PLPP4: variants seen among roughly 807,000 people sequenced by gnomAD.
PLPP4 encodes phospholipid phosphatase 4.
A neutral mutation model predicts 32.2 loss-of-function variants in PLPP4; 20 were observed. The ratio of observed to expected loss-of-function variants is 0.62; its 90% CI spans 0.44 to 0.90. PLPP4 has a LOEUF of 0.90. PLPP4 is among the 40% of genes least tolerant of loss of function. The probability of loss-of-function intolerance (pLI) is 0.00; values close to 1 mark genes in which losing one functional copy is unlikely to be tolerated. For missense variants in PLPP4, 257 were observed against 353.1 expected (o/e 0.73, Z 2.18); for synonymous variants, 127 against 133.0 (o/e 0.95, Z 0.31).
chr10:120,494,855 T>A (rs982075518), intron 1 of PLPP4, among the ~76,000 whole-genome samples: 1 of 152,242 alleles, frequency 6.6e-6, no homozygotes, highest in African/African-American at 2.4e-5. Flanking sequence ...CTGATCTCAG[T>A]TGTCCACACT....
chr10:120,571,628 C>A (rs1848946882), intron 5 of PLPP4, among the ~76,000 whole-genome samples: 1 of 152,086 alleles, frequency 6.6e-6, no homozygotes, highest in Admixed American at 6.5e-5. Flanking sequence ...ATTTAGAGTC[C>A]TAGGATTTCA....
intron 1 of PLPP4, among the ~76,000 whole-genome samples, chr10:120,497,367 A>G (rs1845018061): frequency 6.6e-6 from 1 of 152,106 alleles, no homozygotes; most frequent in Non-Finnish European, 1.5e-5. Flanking sequence ...CCTGCATCTT[A>G]AATAATTACA....
intron 5 of PLPP4, among the ~76,000 whole-genome samples, chr10:120,569,918 T>C (rs143698007): frequency 5.9e-5 from 9 of 152,346 alleles, no homozygotes; most frequent in African/African-American, 2.2e-4. Context: ...AGCATTGCTC[T>C]AACTGCAATA....
chr10:120,543,280 G>T (rs1847442004), intron 5 of PLPP4, among the ~76,000 whole-genome samples: 1 of 152,212 alleles, frequency 6.6e-6, no homozygotes. Flanking sequence ...TCTAGCGGGG[G>T]ATGTTGCCTG....
chr10:120,458,580 A>C (rs1161906627), intron 1 of PLPP4, among the ~76,000 whole-genome samples: 2 of 152,114 alleles, frequency 1.3e-5, no homozygotes, highest in Non-Finnish European at 2.9e-5. Flanking sequence ...ATTCATCCAG[A>C]GTATTTATTC....
At chr10:120,473,313 T>C (rs377666218) in intron 1 of PLPP4, among the ~76,000 whole-genome samples, 2 of 152,228 alleles carry the variant, frequency 1.3e-5, no homozygotes, top group African/African-American at 4.8e-5. Flanking sequence ...TTGTTTTTTT[T>C]TTCCAAGATT....
chr10:120,497,315 C>T (rs1311231817), intron 1 of PLPP4, among the ~76,000 whole-genome samples: 1 of 152,088 alleles, frequency 6.6e-6, no homozygotes, highest in Non-Finnish European at 1.5e-5. Flanking sequence ...ATCAGATTCT[C>T]CTTTACCTCT....
At chr10:120,497,185 T>C (rs1589766396) in intron 1 of PLPP4, among the ~76,000 whole-genome samples, 2 of 152,086 alleles carry the variant, frequency 1.3e-5, no homozygotes, top group East Asian at 3.9e-4. Flanking sequence ...GATTTAGCAG[T>C]GAAAGAGCCA....
At chr10:120,571,294 C>T (rs762505562) in intron 5 of PLPP4, among the ~76,000 whole-genome samples, 2 of 151,848 alleles carry the variant, frequency 1.3e-5, no homozygotes, top group African/African-American at 4.8e-5. Context: ...CTTATAATCC[C>T]CATGTTTAAA....
intron 1 of PLPP4, among the ~76,000 whole-genome samples, chr10:120,484,477 A>G (rs1306809644): frequency 6.6e-6 from 1 of 152,214 alleles, no homozygotes; most frequent in East Asian, 1.9e-4. Flanking sequence ...AGAAGGTGAG[A>G]GGGCAAGAGA....
At chr10:120,585,886 C>T (rs137881786) in intron 6 of PLPP4, among the ~76,000 whole-genome samples, 213 of 152,292 alleles carry the variant, frequency 1.4e-3, no homozygotes, top group Middle Eastern at 3.4e-3. Context: ...CCCCCCGCTA[C>T]CCTGATGGCT....
intron 2 of PLPP4, 81 bp downstream of exon 2, chr10:120,504,007 C>A: frequency 1.0e-6 from 1 of 964,216 alleles, no homozygotes; most frequent in South Asian, 1.4e-5. Flanking sequence ...TTTTTCTAAC[C>A]CTGAAGACAG....
chr10:120,521,218 A>C, intron 5 of PLPP4, 123 bp downstream of exon 5: 1 of 1,214,892 alleles, frequency 8.2e-7, no homozygotes, highest in Non-Finnish European at 1.1e-6. Flanking sequence ...ATTTTTCTTC[A>C]CTTTACGGCG....
At chr10:120,479,517 T>C (rs1844103556) in intron 1 of PLPP4, among the ~76,000 whole-genome samples, 1 of 152,242 alleles carries the variant, frequency 6.6e-6, no homozygotes, top group African/African-American at 2.4e-5. Flanking sequence ...CGTTATTTAT[T>C]GGTGTCCCTG....
At chr10:120,569,782 T>C (rs918841620) in intron 5 of PLPP4, among the ~76,000 whole-genome samples, 1 of 152,218 alleles carries the variant, frequency 6.6e-6, no homozygotes, top group African/African-American at 2.4e-5. Context: ...CTACCATTTA[T>C]ATTTTCATTT....
chr10:120,577,735 T>C (rs965183011), intron 6 of PLPP4, among the ~76,000 whole-genome samples: 10 of 152,214 alleles, frequency 6.6e-5, no homozygotes, highest in Non-Finnish European at 1.2e-4. Context: ...GTTATTGATA[T>C]AGCCTAAGGA....
chr10:120,505,927 A>T (rs72836009), intron 2 of PLPP4, among the ~76,000 whole-genome samples: 1 of 152,356 alleles, frequency 6.6e-6, no homozygotes, highest in Non-Finnish European at 1.5e-5. Flanking sequence ...TGTGTTGTAA[A>T]AACACAATTT....
At chr10:120,492,148 G>A (rs1367489304) in intron 1 of PLPP4, among the ~76,000 whole-genome samples, 1 of 152,136 alleles carries the variant, frequency 6.6e-6, no homozygotes, top group African/African-American at 2.4e-5. Flanking sequence ...TTAACTGCTT[G>A]ACCCAGGTTA....
chr10:120,500,345 T>G (rs940214679), intron 1 of PLPP4, among the ~76,000 whole-genome samples: 56 of 151,918 alleles, frequency 3.7e-4, no homozygotes, highest in African/African-American at 1.2e-3. Context: ...AGAGTGGGGG[T>G]GTGTGGCCAT....
Sources: gnomAD v4.1 joint callset for allele counts (sites outside exome capture counted in the v4.1 genomes callset) on GRCh38, gnomAD v4.1.1 for gene constraint, MANE v1.5 for transcripts, NCBI Gene and HGNC (gene_info 2026-07-23, HGNC 2026-07-21) for gene names.